Variants in SPEF2 observed in about 807,000 individuals in gnomAD.
SPEF2 encodes the protein sperm flagellar and cilia associated 2.
Under a neutral mutation model 224.6 loss-of-function variants are expected in SPEF2, and 187 were observed. The ratio of observed to expected loss-of-function variants is 0.83; its 90% CI spans 0.74 to 0.94. The LOEUF is 0.94. SPEF2 is among the 40% of genes least tolerant of loss of function. SPEF2 has a pLI of 0.00. For synonymous variants in SPEF2, 715 were observed against 707.3 expected, an observed-to-expected ratio of 1.01 and a Z score of -0.17; for missense variants, 2,170 against 2,135.6, an observed-to-expected ratio of 1.02 and a Z score of -0.32.
chr5:35,740,318 G>T (rs1747397426), intron 23 of SPEF2, 51 bp downstream of exon 23: 1 of 1,603,726 alleles, frequency 6.2e-7, no homozygotes, highest in South Asian at 1.1e-5. Flanking sequence ...TTCATATCTT[G>T]TCCTGCAAAA....
At chr5:35,700,410 T>C in intron 15 of SPEF2, 86 bp from the exon 16 acceptor site, 1 of 1,245,158 alleles carries the variant, frequency 8.0e-7, no homozygotes, top group Non-Finnish European at 1.1e-6. Context: ...ATTGTGGAAT[T>C]GAAAGAAAAA....
intron 2 of SPEF2, among the ~76,000 whole-genome samples, chr5:35,628,806 G>C (rs548567658): frequency 1.3e-5 from 2 of 152,056 alleles, no homozygotes; most frequent in South Asian, 4.2e-4. Flanking sequence ...TGCCCAGGCT[G>C]GTCTTGAACT....
At chr5:35,660,302 C>A (rs952489811) in intron 8 of SPEF2, among the ~76,000 whole-genome samples, 1 of 152,046 alleles carries the variant, frequency 6.6e-6, no homozygotes, top group Admixed American at 6.6e-5. Flanking sequence ...TTTTAGATAG[C>A]CTGTCTTTAC....
At chr5:35,735,375 A>T (rs1014334303) in intron 21 of SPEF2, among the ~76,000 whole-genome samples, 12 of 152,228 alleles carry the variant, frequency 7.9e-5, no homozygotes, top group African/African-American at 2.9e-4. Context: ...GCCATAAGAA[A>T]GTTAGTGTGA....
intron 15 of SPEF2, chr5:35,699,070 T>A (rs1755749992): frequency 6.6e-6 from 1 of 152,198 alleles, no homozygotes; most frequent in African/African-American, 2.4e-5. Flanking sequence ...TGAAGACAGC[T>A]TGATACTGTG....
intron 10 of SPEF2, among the ~76,000 whole-genome samples, chr5:35,685,619 A>AG (rs1753490451): frequency 6.6e-6 from 1 of 152,124 alleles, no homozygotes. Context: ...TCAAGAGTTA[A>AG]GAATTAAAAA....
chr5:35,714,417 G>A (rs1019623598), intron 20 of SPEF2, among the ~76,000 whole-genome samples: 4 of 151,314 alleles, frequency 2.6e-5, no homozygotes, highest in Non-Finnish European at 2.9e-5. Context: ...ATTTATGAGG[G>A]GTGGTGTCCC....
At chr5:35,747,878 T>A (rs1298534585) in intron 23 of SPEF2, among the ~76,000 whole-genome samples, 6 of 152,246 alleles carry the variant, frequency 3.9e-5, no homozygotes, top group African/African-American at 1.2e-4. Flanking sequence ...AACTGCAGAA[T>A]ACACATTCTA....
intron 30 of SPEF2, chr5:35,787,753 C>T (rs772279423): frequency 3.3e-5 from 17 of 517,002 alleles, no homozygotes; most frequent in Middle Eastern, 5.0e-4. Flanking sequence ...AATTAATAAG[C>T]ACTCCATAAA....
intron 6 of SPEF2, among the ~76,000 whole-genome samples, chr5:35,653,905 C>A (rs1245249775): frequency 1.6e-4 from 23 of 146,162 alleles, no homozygotes; most frequent in African/African-American, 5.4e-4. Flanking sequence ...CGAGATCGCA[C>A]CACTGCACTC....
At position 35,618,185 on chromosome 5, in the gene SPEF2, G is replaced by C; in HGVS notation, c.58+130G>C. ...GCACAGGTGGGGCACCTGCGTAGCC[G>C]GCAGCATCCCACAGTGAGCAACTCG... is the stretch of plus-strand genomic sequence containing the variant. On this transcript the variant is annotated intron_variant, in intron 1 of 36. Transcript: ENST00000356031. 7.2e-6 allele frequency: 7 copies of C among 973,372 alleles called. No homozygotes were observed. In the South Asian group the frequency reaches 8.8e-5, roughly 12 times the overall value. 60.3% of individuals were successfully genotyped at this position (973,372 alleles called of 1,614,324 possible). A position where few individuals can be genotyped will look rare whatever the true frequency, so the allele number is the denominator to read the frequency against.
At chr5:35,660,470 A>T (rs1203439042) in intron 8 of SPEF2, among the ~76,000 whole-genome samples, 1 of 152,216 alleles carries the variant, frequency 6.6e-6, no homozygotes, top group Non-Finnish European at 1.5e-5. Context: ...TAGAAATATC[A>T]TTTGGAAAGT....
At chr5:35,749,056 C>T (rs1749007678) in intron 23 of SPEF2, among the ~76,000 whole-genome samples, 1 of 151,982 alleles carries the variant, frequency 6.6e-6, no homozygotes, top group Non-Finnish European at 1.5e-5. Context: ...TGTGATACAC[C>T]ACATAAACAG....
At chr5:35,739,798 G>C in intron 21 of SPEF2, 121 bp from the exon 22 acceptor site, 1 of 1,084,206 alleles carries the variant, frequency 9.2e-7, no homozygotes, top group Non-Finnish European at 1.3e-6. Context: ...GTCTCACAGG[G>C]AATGCTTTAT....
intron 27 of SPEF2, 89 bp downstream of exon 27, chr5:35,771,845 C>G: frequency 6.9e-7 from 1 of 1,442,404 alleles, no homozygotes; most frequent in Middle Eastern, 1.8e-4. Flanking sequence ...TTATTAGCCT[C>G]TAAGCCACTA....
intron 23 of SPEF2, among the ~76,000 whole-genome samples, chr5:35,752,770 G>T (rs191097111): frequency 2.3e-5 from 1 of 42,756 alleles, no homozygotes; most frequent in Non-Finnish European, 5.2e-5. Context: ...CTGTGACTCA[G>T]TTTCCTCAAT....
intron 30 of SPEF2, among the ~76,000 whole-genome samples, chr5:35,782,650 T>C (rs76908895): frequency 0.067 from 10,231 of 152,156 alleles, 401 homozygotes; most frequent in East Asian, 0.1. Context: ...ATGCTTTAAA[T>C]ACTTGCAACT....
intron 30 of SPEF2, among the ~76,000 whole-genome samples, chr5:35,779,867 G>T (rs1754087063): frequency 6.6e-6 from 1 of 152,160 alleles, no homozygotes; most frequent in Non-Finnish European, 1.5e-5. Context: ...AATGTTTTCT[G>T]CACACAACAA....
rs777879190 is a variant in SPEF2 at position 35,773,966 on chromosome 5, A to G, written c.4023A>G (p.Lys1341=). ...TTEEIAEIKR[K]NELRVKIKEE... ...AGGAAATTGCTGAAATCAAAAGGAA[A>G]AATGAACTGAGGGTCAAAATAAAAG... Residue 1341 remains lysine, a synonymous_variant, in exon 28 of 37, where the codon AAA becomes AAG. Coordinates refer to ENST00000356031, the MANE Select transcript of SPEF2 (RefSeq NM_024867.4). 1.4e-5 allele frequency: 22 copies of G among 1,613,308 alleles called. No individual in the cohort carries two copies. The highest frequency in any genetic ancestry group is 1.7e-5 in the Admixed American group (1 of 59,908).
Sources: gnomAD v4.1 joint callset for allele counts (sites outside exome capture counted in the v4.1 genomes callset) on GRCh38, gnomAD v4.1.1 for gene constraint, MANE v1.5 for transcripts, NCBI Gene and HGNC (gene_info 2026-07-23, HGNC 2026-07-21) for gene names.